Variants in TMEM117 observed in about 807,000 individuals in gnomAD.
TMEM117 encodes transmembrane protein 117.
TMEM117 carries 27 observed loss-of-function variants against 52.4 expected under a neutral mutation model. The observed-to-expected ratio is 0.51, with a 90% confidence interval of 0.38 to 0.71. The LOEUF is 0.71. Ranked by LOEUF, TMEM117 falls within the 30% of genes least tolerant of loss-of-function variation. The pLI is 0.00. For synonymous variants in TMEM117, 215 were observed against 206.3 expected, an observed-to-expected ratio of 1.04 and a Z score of -0.36; for missense variants, 556 against 630.5, an observed-to-expected ratio of 0.88 and a Z score of 1.26.
At chr12:44,079,943 G>A (rs1185958904) in intron 3 of TMEM117, among the ~76,000 whole-genome samples, 9 of 150,644 alleles carry the variant, frequency 6.0e-5, no homozygotes, top group South Asian at 2.1e-4. Flanking sequence ...ACTTGAACCC[G>A]GGGGGCACAG....
At chr12:43,878,662 G>T (rs1160784148) in intron 2 of TMEM117, among the ~76,000 whole-genome samples, 4 of 152,102 alleles carry the variant, frequency 2.6e-5, no homozygotes, top group African/African-American at 9.7e-5. Context: ...CTGAAGGAGA[G>T]AAGTAAATAT....
chr12:44,182,971 A>G (rs78334314), intron 4 of TMEM117, among the ~76,000 whole-genome samples: 1,536 of 152,296 alleles, frequency 0.01, 10 homozygotes, highest in African/African-American at 0.016. Flanking sequence ...TTTCATATTT[A>G]AGGATAATAA....
rs1268319017 is a variant in TMEM117, at chr12:44,278,809, C to T, written c.609-20771C>T. On this transcript the variant is annotated intron_variant, in intron 5 of 7. Coordinates refer to ENST00000266534, the MANE Select transcript of TMEM117 (RefSeq NM_032256.3). ...CCAGTCCATATCCCCTATCCTTTTT[C>T]TTGTCTAGGCAGATGTATCCACTTC... Among the ~76,000 whole-genome samples the T allele has an allele frequency of 3.3e-5, 5 of 152,146 alleles. No homozygotes were observed. The East Asian group carries it at 9.6e-4, about 29-fold the overall frequency.
chr12:44,355,523 A>G (rs1442602331), intron 6 of TMEM117, among the ~76,000 whole-genome samples: 1 of 152,024 alleles, frequency 6.6e-6, no homozygotes, highest in South Asian at 2.1e-4. Flanking sequence ...GACGGACTGA[A>G]GAGTCTTTTA....
rs184989692 is a variant in TMEM117, at chr12:44,005,455, A to C, written c.410+61113A>C. Among the ~76,000 whole-genome samples, 417 of 152,340 alleles carry C rather than the reference A, an allele frequency of 2.7e-3. 4 individuals carry two copies. Among genetic ancestry groups the C allele is most frequent in the African/African-American group, 9.5e-3 (393 of 41,578 alleles). On this transcript the variant is annotated intron_variant, in intron 3 of 7. Coordinates refer to ENST00000266534, the MANE Select transcript of TMEM117 (RefSeq NM_032256.3). ...GTCACATTGGCTAATAGGGTAAAGA[A>C]GAAAACCAATAACATCAGAAAACAA...
intron 5 of TMEM117, among the ~76,000 whole-genome samples, chr12:44,289,550 CTTTTTTTTTTT>C (rs60675070): frequency 8.2e-6 from 1 of 121,964 alleles, no homozygotes; most frequent in Non-Finnish European, 1.7e-5. Flanking sequence ...TTTCTTTTCT[CTTTTTTTTTTT>C]TTTTTTTTTG....
At chr12:44,010,131 C>T (rs1946266076) in intron 3 of TMEM117, 1 of 509,474 alleles carries the variant, frequency 2.0e-6, no homozygotes, top group Non-Finnish European at 4.0e-6. Flanking sequence ...GCCTTCAGCT[C>T]TCTCATCATT....
chr12:44,315,102 C>T (rs2138682441), intron 6 of TMEM117, among the ~76,000 whole-genome samples: 1 of 152,202 alleles, frequency 6.6e-6, no homozygotes, highest in African/African-American at 2.4e-5. Context: ...GTTGTAATAT[C>T]ACCTTTGTTG....
chr12:43,867,282 A>G (rs143842536), intron 2 of TMEM117, among the ~76,000 whole-genome samples: 47 of 152,310 alleles, frequency 3.1e-4, no homozygotes, highest in African/African-American at 1.1e-3. Flanking sequence ...TTAAACTGTG[A>G]TAAGTTAAAA....
chr12:44,118,650 G>T (rs980068320), intron 3 of TMEM117, among the ~76,000 whole-genome samples: 6 of 152,248 alleles, frequency 3.9e-5, no homozygotes, highest in African/African-American at 1.4e-4. Context: ...TGAAAGTAAG[G>T]ATTTTTGTGT....
chr12:44,380,770 A>G (rs1314827766), intron 7 of TMEM117, among the ~76,000 whole-genome samples: 6 of 152,176 alleles, frequency 3.9e-5, no homozygotes, highest in African/African-American at 1.4e-4. Flanking sequence ...TCATCTGGCC[A>G]GAGATTGTCT....
At chr12:43,952,971 G>A (rs1270460619) in intron 3 of TMEM117, among the ~76,000 whole-genome samples, 1 of 152,172 alleles carries the variant, frequency 6.6e-6, no homozygotes, top group Non-Finnish European at 1.5e-5. Flanking sequence ...CAAGCCAGAA[G>A]AGACTGGGGG....
intron 6 of TMEM117, among the ~76,000 whole-genome samples, chr12:44,301,227 G>T (rs549208677): frequency 6.6e-6 from 1 of 152,046 alleles, no homozygotes; most frequent in Non-Finnish European, 1.5e-5. Context: ...CTTCCAATAA[G>T]TTCACTAAAA....
At chr12:43,900,055 A>T (rs1944278585) in intron 2 of TMEM117, among the ~76,000 whole-genome samples, 1 of 152,230 alleles carries the variant, frequency 6.6e-6, no homozygotes. Context: ...GGTAAGTTTT[A>T]AAGTTTGGAG....
intron 6 of TMEM117, among the ~76,000 whole-genome samples, chr12:44,337,935 A>G (rs1480025596): frequency 6.6e-6 from 1 of 152,076 alleles, no homozygotes; most frequent in East Asian, 1.9e-4. Flanking sequence ...ATGATTAAGA[A>G]CCACTGACCT....
chr12:44,310,468 A>G (rs972876890), intron 6 of TMEM117, among the ~76,000 whole-genome samples: 8 of 152,150 alleles, frequency 5.3e-5, no homozygotes, highest in African/African-American at 1.9e-4. Flanking sequence ...GAGAAACCCC[A>G]TCTCTACTAA....
chr12:44,384,107 A>G (rs1362831038), intron 7 of TMEM117, among the ~76,000 whole-genome samples: 2 of 152,112 alleles, frequency 1.3e-5, no homozygotes, highest in Non-Finnish European at 2.9e-5. Context: ...TGATAGGGCA[A>G]AAGGAATTTT....
intron 3 of TMEM117, among the ~76,000 whole-genome samples, chr12:44,130,808 G>A (rs879657792): frequency 1.3e-4 from 19 of 150,796 alleles, no homozygotes; most frequent in Non-Finnish European, 2.2e-4. Context: ...TTTTTAGTTT[G>A]CATATCATTT....
chr12:43,867,974 A>T (rs1297232044), intron 2 of TMEM117, among the ~76,000 whole-genome samples: 1 of 152,200 alleles, frequency 6.6e-6, no homozygotes, highest in African/African-American at 2.4e-5. Context: ...TTTTTCAAGT[A>T]CAATGGAATA....
Sources: allele counts gnomAD v4.1 joint callset (sites outside exome capture counted in the v4.1 genomes callset), GRCh38; gene constraint gnomAD v4.1.1; transcripts MANE v1.5; gene names NCBI Gene and HGNC (gene_info 2026-07-23, HGNC 2026-07-21).